ADARB2: variants seen among roughly 807,000 people sequenced by gnomAD.
ADARB2 encodes inactive double-stranded RNA-specific editase B2.
Under a neutral mutation model 62.2 loss-of-function variants are expected in ADARB2, and 25 were observed. The observed-to-expected ratio is 0.40, with a 90% CI of 0.29 to 0.56. The LOEUF is 0.56. Ranked by LOEUF, ADARB2 falls within the 20% of genes least tolerant of loss-of-function variation. The pLI, the probability that ADARB2 is intolerant of heterozygous loss-of-function variation, is 0.43. For missense variants in ADARB2, 1,071 were observed against 1,077.4 expected (o/e 0.99, Z 0.08); for synonymous variants, 572 against 500.8 (o/e 1.14, Z -1.90).
chr10:1,240,491 A>C (rs1204133311), intron 5 of ADARB2: 1 of 152,468 alleles, frequency 6.6e-6, no homozygotes, highest in Non-Finnish European at 1.5e-5. Context: ...TTTTCTCCAC[A>C]GGAAGTCCTT....
chr10:1,689,871 G>A (rs186421834), intron 1 of ADARB2, among the ~76,000 whole-genome samples: 70 of 152,258 alleles, frequency 4.6e-4, no homozygotes, highest in African/African-American at 1.6e-3. Context: ...CCCCTCTACA[G>A]TTACGTAGGG....
chr10:1,657,531 C>T (rs1448905208), intron 1 of ADARB2, among the ~76,000 whole-genome samples: 1 of 152,216 alleles, frequency 6.6e-6, no homozygotes, highest in Admixed American at 6.5e-5. Flanking sequence ...CACTCACCAT[C>T]TCTCTCCCCT....
intron 1 of ADARB2, among the ~76,000 whole-genome samples, chr10:1,642,021 A>T (rs75044551): frequency 6.7e-6 from 1 of 150,008 alleles, no homozygotes; most frequent in South Asian, 2.1e-4. Flanking sequence ...TAAAAAAAAA[A>T]GTGTTCCTGT....
intron 3 of ADARB2, among the ~76,000 whole-genome samples, chr10:1,302,561 C>T (rs986036780): frequency 3.0e-4 from 45 of 152,304 alleles, no homozygotes; most frequent in Non-Finnish European, 3.8e-4. Flanking sequence ...CTGTAGGCTC[C>T]ACCTCTGGGG....
At chr10:1,628,769 C>T (rs899298775) in intron 1 of ADARB2, among the ~76,000 whole-genome samples, 3 of 152,240 alleles carry the variant, frequency 2.0e-5, no homozygotes, top group African/African-American at 7.2e-5. Context: ...GTGTGTCTTT[C>T]TCTTCTGGAA....
chr10:1,603,518 T>A (rs1833456575), intron 1 of ADARB2, among the ~76,000 whole-genome samples: 1 of 152,044 alleles, frequency 6.6e-6, no homozygotes, highest in South Asian at 2.1e-4. Context: ...ATCACCCTGA[T>A]TAGAACGATT....
intron 1 of ADARB2, among the ~76,000 whole-genome samples, chr10:1,595,955 G>A (rs1003081048): frequency 6.6e-6 from 1 of 152,206 alleles, no homozygotes; most frequent in African/African-American, 2.4e-5. Context: ...GCACTCTCCA[G>A]GTGTGTGCTT....
intron 4 of ADARB2, among the ~76,000 whole-genome samples, chr10:1,259,493 A>G (rs757523680): frequency 9.2e-5 from 14 of 152,194 alleles, no homozygotes; most frequent in Non-Finnish European, 2.1e-4. Context: ...CAGAAATACA[A>G]ACTACCATTA....
At chr10:1,470,636 A>G (rs1831309219) in intron 1 of ADARB2, among the ~76,000 whole-genome samples, 1 of 152,234 alleles carries the variant, frequency 6.6e-6, no homozygotes, top group South Asian at 2.1e-4. Context: ...AATTTTTAGC[A>G]AATTTTATGA....
At chr10:1,533,663 C>G (rs1832279048) in intron 1 of ADARB2, among the ~76,000 whole-genome samples, 1 of 152,212 alleles carries the variant, frequency 6.6e-6, no homozygotes, top group Non-Finnish European at 1.5e-5. Context: ...TTAATGATTT[C>G]TGAGCATATT....
At chr10:1,684,666 T>G (rs527861688) in intron 1 of ADARB2, among the ~76,000 whole-genome samples, 1 of 152,346 alleles carries the variant, frequency 6.6e-6, no homozygotes, top group African/African-American at 2.4e-5. Flanking sequence ...TTTTGATTAT[T>G]TTGTAAACCC....
At chr10:1,352,675 A>G (rs773185270) in intron 3 of ADARB2, among the ~76,000 whole-genome samples, 2 of 152,102 alleles carry the variant, frequency 1.3e-5, no homozygotes, top group Non-Finnish European at 2.9e-5. Flanking sequence ...ATAACTTCCA[A>G]AATCTACTTT....
chr10:1,376,977 GT>G (rs1832435630), intron 2 of ADARB2, among the ~76,000 whole-genome samples: 2 of 137,862 alleles, frequency 1.5e-5, no homozygotes, highest in Non-Finnish European at 3.2e-5. Context: ...CACCCCTGGG[GT>G]GTGTGTGTGT....
At chr10:1,195,026 A>G (rs7099511) in intron 8 of ADARB2, among the ~76,000 whole-genome samples, 119,504 of 152,200 alleles carry the variant, frequency 0.79, 47,328 homozygotes, top group East Asian at 1. Context: ...ATTTCAAGCT[A>G]TAAACACTGT....
At chr10:1,589,138 G>A (rs1588313852) in intron 1 of ADARB2, among the ~76,000 whole-genome samples, 3 of 152,298 alleles carry the variant, frequency 2.0e-5, no homozygotes, top group African/African-American at 2.4e-5. Context: ...TATGTGCACC[G>A]AATTCCTTCC....
chr10:1,206,694 G>A lies in ADARB2; in HGVS notation c.1683-6547C>T, dbSNP rs571093282. On this transcript the variant is annotated intron_variant, in intron 7 of 9. Coordinates refer to ENST00000381312, the MANE Select transcript of ADARB2 (RefSeq NM_018702.4). ...CTTGTGACTCAGGTACCTCAGCCCT[G>A]CGCCTCCGTCTCTGCGTCTCTGTAT... is the stretch of plus-strand genomic sequence containing the variant. Among the ~76,000 whole-genome samples the A allele has an allele frequency of 5.9e-5, 9 of 152,314 alleles. No individual in the cohort carries two copies. In the South Asian group the frequency reaches 1.9e-3, roughly 32 times the overall value.
chr10:1,627,919 G>A (rs1833791733), intron 1 of ADARB2, among the ~76,000 whole-genome samples: 1 of 152,202 alleles, frequency 6.6e-6, no homozygotes. Flanking sequence ...TGGAGAAGGT[G>A]TGACTCCCCC....
chr10:1,654,021 C>T (rs1349309886), intron 1 of ADARB2, among the ~76,000 whole-genome samples: 1 of 152,008 alleles, frequency 6.6e-6, no homozygotes, highest in Non-Finnish European at 1.5e-5. Flanking sequence ...TGGGGGCTGG[C>T]TCTGTGGAGG....
intron 7 of ADARB2, among the ~76,000 whole-genome samples, chr10:1,210,306 T>C (rs747981678): frequency 3.9e-5 from 6 of 152,170 alleles, no homozygotes; most frequent in Non-Finnish European, 8.8e-5. Flanking sequence ...AAGTCGGAGA[T>C]CAAAAGCCAG....
Sources: gnomAD v4.1 joint callset for allele counts (sites outside exome capture counted in the v4.1 genomes callset) on GRCh38, gnomAD v4.1.1 for gene constraint, MANE v1.5 for transcripts, NCBI Gene and HGNC (gene_info 2026-07-23, HGNC 2026-07-21) for gene names.